The following KCNJ4 variants were observed in gnomAD, a reference collection of about 807,000 sequenced individuals.
KCNJ4 encodes inward rectifier potassium channel 4.
Under a neutral mutation model 25.6 loss-of-function variants are expected in KCNJ4, and 3 were observed. That is an observed-to-expected ratio of 0.12 (90% CI 0.05 to 0.30). KCNJ4 has a LOEUF of 0.30. Among genes scored for constraint, KCNJ4 ranks in the 10% least tolerant of loss-of-function variants. The pLI, the probability that KCNJ4 is intolerant of heterozygous loss-of-function variation, is 1.00. For missense variants in KCNJ4, 286 were observed against 666.8 expected (o/e 0.43, Z 6.29); for synonymous variants, 257 against 283.9 (o/e 0.91, Z 0.95).
At chr22:38,437,198 C>A (rs973017541) in intron 1 of KCNJ4, among the ~76,000 whole-genome samples, 1 of 152,242 alleles carries the variant, frequency 6.6e-6, no homozygotes, top group African/African-American at 2.4e-5. Context: ...GGCGGGGGAG[C>A]AGGCTGACAA....
intron 1 of KCNJ4, among the ~76,000 whole-genome samples, chr22:38,447,103 G>A (rs1048839336): frequency 1.3e-5 from 2 of 152,140 alleles, no homozygotes; most frequent in East Asian, 1.9e-4. Flanking sequence ...TCCCAGTCAC[G>A]GGCCTCGCCT....
chr22:38,435,130 G>GCA (rs2093061649), intron 1 of KCNJ4, among the ~76,000 whole-genome samples: 1 of 152,206 alleles, frequency 6.6e-6, no homozygotes, highest in African/African-American at 2.4e-5. Context: ...AGACCATCAT[G>GCA]GCTCCCTGGC....
intron 1 of KCNJ4, among the ~76,000 whole-genome samples, chr22:38,429,894 C>T (rs2093044353): frequency 6.6e-6 from 1 of 152,226 alleles, no homozygotes; most frequent in African/African-American, 2.4e-5. Context: ...GCATCTGTGG[C>T]AATGTTTATA....
At position 38,427,542 on chromosome 22, in the gene KCNJ4, G is replaced by A. The variant is rs748993363; in HGVS notation, c.591C>T (p.Asp197=). 3.2e-5 allele frequency: 51 copies of A among 1,611,112 alleles called. No homozygotes were observed. Among genetic ancestry groups the A allele is most frequent in the Middle Eastern group, 1.6e-4 (1 of 6,074 alleles). ...FSHHAVISVR[D]GKLCLMWRVG... ...CGCGCCACATGAGGCAGAGCTTGCC[G>A]TCGCGCACCGAAATGACCGCGTGGT... Residue 197 remains aspartate, a synonymous_variant, in exon 2 of 2, where the codon GAC becomes GAT. Transcript: ENST00000303592.
intron 1 of KCNJ4, among the ~76,000 whole-genome samples, chr22:38,434,508 G>A (rs993106878): frequency 3.3e-5 from 5 of 152,140 alleles, no homozygotes; most frequent in Admixed American, 6.5e-5. Context: ...CAGAGATGCC[G>A]GGGGGTTGAG....
chr22:38,445,293 G>T (rs2089366032), intron 1 of KCNJ4, among the ~76,000 whole-genome samples: 1 of 152,062 alleles, frequency 6.6e-6, no homozygotes, highest in South Asian at 2.1e-4. Context: ...CTACTTCTGA[G>T]GGCAGGACAG....
chr22:38,450,114 G>A (rs1008010003), intron 1 of KCNJ4, among the ~76,000 whole-genome samples: 1 of 152,224 alleles, frequency 6.6e-6, no homozygotes, highest in East Asian at 1.9e-4. Context: ...CACGTAGCGA[G>A]GGGAAGAGGG....
rs189932290 is a variant in KCNJ4, at chr22:38,435,679, C to A, written c.-39-7508G>T. Among the ~76,000 whole-genome samples the A allele has an allele frequency of 6.6e-3, 971 of 147,938 alleles. 13 individuals are homozygous for A. Among genetic ancestry groups the A allele is most frequent in the Non-Finnish European group, 7.7e-3 (515 of 67,248 alleles). Reference sequence around the variant, plus strand: ...CTGCACTCCAGTCTGGGCAACAGAGCGAGACTCTGTCTCGGGAAAAAAAAA... The same window carrying A: ...CTGCACTCCAGTCTGGGCAACAGAGAGAGACTCTGTCTCGGGAAAAAAAAA... On this transcript the variant is annotated intron_variant, in intron 1 of 1. Transcript: ENST00000303592.
At position 38,427,842 on chromosome 22, in the gene KCNJ4, C is replaced by G. The variant is rs1276342865; in HGVS notation, c.291G>C (p.Gly97=). Residue 97 remains glycine (G), a synonymous_variant, in exon 2 of 2, where the codon GGG becomes GGC. Coordinates refer to ENST00000303592, the MANE Select transcript of KCNJ4 (RefSeq NM_152868.3). The part of the protein sequence containing the change: ...LEASPGVPAA[G]GPAAGGGGAA... ...CTCCGCCACCACCCGCCGCCGGGCC[C>G]CCCGCCGCAGGCACCCCTGGGCTGG... 1 of 1,609,916 alleles carries G rather than the reference C, an allele frequency of 6.2e-7. No individual in the cohort carries two copies. Among genetic ancestry groups the G allele is most frequent in the African/African-American group, 1.3e-5 (1 of 74,958 alleles).
intron 1 of KCNJ4, among the ~76,000 whole-genome samples, chr22:38,453,052 A>G (rs1183193660): frequency 9.9e-6 from 1 of 100,660 alleles, no homozygotes; most frequent in East Asian, 3.0e-4. Flanking sequence ...CCAGATCCAC[A>G]TTAAGAACCA....
chr22:38,428,225 G>A, intron 1 of KCNJ4, 54 bp from the exon 2 acceptor site: 1 of 1,458,496 alleles, frequency 6.9e-7, no homozygotes, highest in Non-Finnish European at 9.2e-7. Flanking sequence ...GGCTCCCTCG[G>A]GGCCACTCAG....
chr22:38,443,584 C>G lies in KCNJ4; in HGVS notation c.-40+11396G>C, dbSNP rs1230168278. Among the ~76,000 whole-genome samples the G allele has an allele frequency of 6.6e-6, 1 of 152,204 alleles. No individual in the cohort carries two copies. The highest frequency in any genetic ancestry group is 1.5e-5 in the Non-Finnish European group (1 of 68,026). ...AACCGCAATAACAATGGGTTAATAA[C>G]TAACATGCACTTAGTGTTCACTGAG... is the stretch of plus-strand genomic sequence containing the variant. On this transcript the variant is annotated intron_variant, in intron 1 of 1. Coordinates refer to ENST00000303592, the MANE Select transcript of KCNJ4 (RefSeq NM_152868.3). This position sits in a 1 kb window ranked among gnomAD's most constrained non-coding sequence, Gnocchi z 4.1.
intron 1 of KCNJ4, among the ~76,000 whole-genome samples, chr22:38,438,923 T>C (rs1331330089): frequency 1.3e-5 from 2 of 152,150 alleles, no homozygotes; most frequent in Non-Finnish European, 2.9e-5. Context: ...GTGAAATATT[T>C]AAGACAAATA....
chr22:38,427,446 G>C lies in KCNJ4; in HGVS notation c.687C>G (p.Thr229=), dbSNP rs1233229512. 6.2e-7 allele frequency: 1 copy of C among 1,613,226 alleles called. No individual in the cohort carries two copies. Among genetic ancestry groups the C allele is most frequent in the Non-Finnish European group, 8.5e-7 (1 of 1,179,464 alleles). Residue 229 remains threonine (T), a synonymous_variant, in exon 2 of 2, where the codon ACC becomes ACG. Transcript: ENST00000303592. ...VRAQLIKPYM[T]QEGEYLPLDQ... is the part of the protein sequence containing the mutation. The stretch of plus-strand genomic sequence containing the variant: ...CCAGGGGCAGGTACTCGCCCTCCTG[G>C]GTCATGTAGGGCTTGATGAGCTGGG...
At chr22:38,451,552 T>C (rs577831238) in intron 1 of KCNJ4, among the ~76,000 whole-genome samples, 12 of 151,900 alleles carry the variant, frequency 7.9e-5, no homozygotes, top group African/African-American at 2.9e-4. Flanking sequence ...AGAAAGGAGG[T>C]GGCCGAATTC....
In KCNJ4 at chr22:38,426,859, A is replaced by G; in HGVS notation, c.1274T>C (p.Leu425Pro). The G allele has an allele frequency of 6.2e-7, 1 of 1,613,452 alleles. No homozygotes were observed. The highest frequency in any genetic ancestry group is 8.5e-7 in the Non-Finnish European group (1 of 1,179,946). Residue 425 changes from leucine to proline, a missense_variant, in exon 2 of 2, where the codon CTG (leucine) becomes CCG (proline). Around this residue, in one of 11 missense-constraint regions of KCNJ4, gnomAD observed 77 missense variants for 97.6 expected, o/e 0.79. Transcript: ENST00000303592. Reference sequence around the variant, plus strand: ...CGGGAGGGAAGCCTGCATGCGCTCCAGGTCCAGGTGGCTGCCGAACTCCAG... The same window carrying G: ...CGGGAGGGAAGCCTGCATGCGCTCCGGGTCCAGGTGGCTGCCGAACTCCAG... The part of the protein sequence containing the change: ...RMLEFGSHLD[L>P]ERMQASLPLD...
At chr22:38,451,131 T>C (rs2089408132) in intron 1 of KCNJ4, among the ~76,000 whole-genome samples, 2 of 152,244 alleles carry the variant, frequency 1.3e-5, no homozygotes, top group South Asian at 4.1e-4. Flanking sequence ...CAAATGTGTT[T>C]CCTCGCTGGG....
rs1441058983 is a variant in KCNJ4, at chr22:38,427,194, C to T, written c.939G>A (p.Leu313=). 1 of 1,613,438 alleles carries T rather than the reference C, an allele frequency of 6.2e-7. No homozygotes were observed. Among genetic ancestry groups the T allele is most frequent in the East Asian group, 2.2e-5 (1 of 44,864 alleles). Residue 313 remains leucine, a synonymous_variant, in exon 2 of 2, where the codon CTG becomes CTA. Transcript: ENST00000303592. ...CCACAGGCTCAAAGCGGTGGCCCCA[C>T]AGGATCTCGCTGGCCAGGTAGGAGC... ...ARSSYLASEI[L]WGHRFEPVVF...
In KCNJ4 at chr22:38,428,177, G is replaced by A; in HGVS notation, c.-39-6C>T. ...CACCTGGGAAGACGCAGGGCCTGCGGAGGAGAAGCCGGACAGGTGAGATGC... is the reference window on the plus strand; with the variant it reads ...CACCTGGGAAGACGCAGGGCCTGCGAAGGAGAAGCCGGACAGGTGAGATGC... On this transcript the variant is annotated splice_polypyrimidine_tract_variant and splice_region_variant and intron_variant, in intron 1 of 1. Coordinates refer to ENST00000303592, the MANE Select transcript of KCNJ4 (RefSeq NM_152868.3). 2 of 1,570,154 alleles carry A rather than the reference G, an allele frequency of 1.3e-6. No individual in the cohort carries two copies. Among genetic ancestry groups the A allele is most frequent in the Non-Finnish European group, 1.7e-6 (2 of 1,157,862 alleles).
Sources: allele counts gnomAD v4.1 joint callset (sites outside exome capture counted in the v4.1 genomes callset), GRCh38; gene constraint gnomAD v4.1.1; regional missense constraint gnomAD v4.1.1; non-coding constraint Gnocchi (gnomAD v3.1); transcripts MANE v1.5; gene names NCBI Gene and HGNC (gene_info 2026-07-23, HGNC 2026-07-21).